The following COL25A1 variants were observed in gnomAD, a reference collection of about 807,000 sequenced individuals.
COL25A1 encodes the protein collagen alpha-1(XXV) chain.
In COL25A1, 103 loss-of-function variants were observed where a neutral mutation model predicts 128.4. That is an observed-to-expected ratio of 0.80 (90% CI 0.68 to 0.94). The LOEUF is 0.94. COL25A1 is among the 40% of genes least tolerant of loss of function. The pLI is 0.00. For synonymous variants in COL25A1, 279 were observed against 277.2 expected (o/e 1.01, Z -0.06); for missense variants, 745 against 840.0 (o/e 0.89, Z 1.40).
At chr4:109,144,746 A>T (rs1770766509) in intron 3 of COL25A1, among the ~76,000 whole-genome samples, 1 of 152,206 alleles carries the variant, frequency 6.6e-6, no homozygotes, top group South Asian at 2.1e-4. Context: ...CCACTCAGGG[A>T]GACACAATTG....
intron 3 of COL25A1, among the ~76,000 whole-genome samples, chr4:109,112,911 T>C (rs2126040961): frequency 6.6e-6 from 1 of 152,220 alleles, no homozygotes; most frequent in East Asian, 1.9e-4. Flanking sequence ...CAAACGTCCA[T>C]AAAGACTTTC....
At chr4:109,261,066 G>A (rs57636371) in intron 3 of COL25A1, among the ~76,000 whole-genome samples, 5,578 of 152,200 alleles carry the variant, frequency 0.037, 341 homozygotes, top group African/African-American at 0.13. Context: ...CCATAGAAGT[G>A]CTTAAGCAGC....
At chr4:108,815,027 G>A (rs988971181) in intron 37 of COL25A1, among the ~76,000 whole-genome samples, 3 of 152,094 alleles carry the variant, frequency 2.0e-5, no homozygotes, top group African/African-American at 7.2e-5. Flanking sequence ...TCATGCCAAT[G>A]CCAAAAAATG....
intron 3 of COL25A1, among the ~76,000 whole-genome samples, chr4:109,209,347 A>G (rs1777307606): frequency 1.3e-5 from 2 of 151,848 alleles, no homozygotes; most frequent in Non-Finnish European, 1.5e-5. Flanking sequence ...AAAAAAAATG[A>G]GAGTTCCTAA....
intron 3 of COL25A1, among the ~76,000 whole-genome samples, chr4:109,105,869 G>A (rs909285324): frequency 1.3e-5 from 2 of 152,078 alleles, no homozygotes; most frequent in Non-Finnish European, 2.9e-5. Context: ...TTATGAAACC[G>A]ATCAATTTTA....
chr4:109,241,839 C>T (rs1295478400), intron 3 of COL25A1, among the ~76,000 whole-genome samples: 2 of 152,056 alleles, frequency 1.3e-5, no homozygotes, highest in East Asian at 3.8e-4. Flanking sequence ...CACTCCCAGA[C>T]AACTACCTCC....
intron 13 of COL25A1, among the ~76,000 whole-genome samples, chr4:108,905,854 G>T (rs1743425982): frequency 6.6e-6 from 1 of 151,454 alleles, no homozygotes; most frequent in African/African-American, 2.4e-5. Context: ...GTATGTCGGG[G>T]GGGGGTGCGG....
At position 109,279,772 on chromosome 4, in the gene COL25A1, G is replaced by A. The variant is rs920484194; in HGVS notation, c.367+20811C>T. Among the ~76,000 whole-genome samples, 6 of 152,244 alleles carry A rather than the reference G, an allele frequency of 3.9e-5. No homozygotes were observed. The East Asian group carries it at 1.2e-3, about 29-fold the overall frequency. ...TTAATGAGCCATATCCACAACAACCGTGTGAACATTTGCCCTTTATTCTAC... is the reference window on the plus strand; with the variant it reads ...TTAATGAGCCATATCCACAACAACCATGTGAACATTTGCCCTTTATTCTAC... On this transcript the variant is annotated intron_variant, in intron 3 of 37. Transcript: ENST00000399132.
At chr4:109,250,992 A>G (rs1189805315) in intron 3 of COL25A1, among the ~76,000 whole-genome samples, 1 of 152,200 alleles carries the variant, frequency 6.6e-6, no homozygotes, top group East Asian at 1.9e-4. Context: ...AAGAGGATGT[A>G]AAGTCCTTGA....
intron 3 of COL25A1, among the ~76,000 whole-genome samples, chr4:109,079,512 T>C: frequency 6.6e-6 from 1 of 152,132 alleles, no homozygotes; most frequent in East Asian, 1.9e-4. Flanking sequence ...CACATCGCCC[T>C]TATCCAGGTG....
intron 21 of COL25A1, 130 bp from the exon 22 acceptor site, chr4:108,862,675 A>G (rs1737400896): frequency 4.1e-6 from 3 of 724,700 alleles, no homozygotes; most frequent in Non-Finnish European, 4.8e-6. Flanking sequence ...GCCTCAATAT[A>G]TGGCTCTACA....
At chr4:109,001,372 C>CTGAGATCCTGTCAGGT (rs1755345803) in intron 6 of COL25A1, among the ~76,000 whole-genome samples, 1 of 24,146 alleles carries the variant, frequency 4.1e-5, no homozygotes, top group Non-Finnish European at 1.3e-4. Flanking sequence ...TTAAAAGAAA[C>CTGAGATCCTGTCAGGT]AGGCATCTGA....
intron 3 of COL25A1, among the ~76,000 whole-genome samples, chr4:109,131,942 C>A (rs1021255955): frequency 6.6e-6 from 1 of 152,150 alleles, no homozygotes; most frequent in African/African-American, 2.4e-5. Flanking sequence ...TTCATACTAC[C>A]AGGGACTCAA....
chr4:109,141,292 C>G lies in COL25A1; in HGVS notation c.368-91113G>C, dbSNP rs760322283. ...ATCCCAGAAATGAAGCCGACTTGATCGTGGTGGATAAGCTTTTTGATGTGC... is the reference window on the plus strand; with the variant it reads ...ATCCCAGAAATGAAGCCGACTTGATGGTGGTGGATAAGCTTTTTGATGTGC... On this transcript the variant is annotated intron_variant, in intron 3 of 37. Transcript: ENST00000399132. 4.6e-5 allele frequency among the ~76,000 whole-genome samples: 7 copies of G among 152,140 alleles called. No homozygotes were observed. In the South Asian group the frequency reaches 8.3e-4, roughly 18 times the overall value.
At chr4:109,254,083 T>C (rs1379944941) in intron 3 of COL25A1, among the ~76,000 whole-genome samples, 1 of 140,154 alleles carries the variant, frequency 7.1e-6, no homozygotes, top group Non-Finnish European at 1.5e-5. Flanking sequence ...CGAGACTCCG[T>C]CTCAAGAAAA....
intron 3 of COL25A1, among the ~76,000 whole-genome samples, chr4:109,208,574 T>C (rs1253239424): frequency 6.7e-6 from 1 of 149,800 alleles, no homozygotes; most frequent in East Asian, 1.9e-4. Context: ...ACATAGTGAT[T>C]TCAGATTTTT....
chr4:108,968,221 A>G (rs1235367905), intron 8 of COL25A1, among the ~76,000 whole-genome samples: 1 of 152,174 alleles, frequency 6.6e-6, no homozygotes, highest in Non-Finnish European at 1.5e-5. Flanking sequence ...AAATTGGTTC[A>G]ATGTATACTG....
chr4:108,990,134 T>C (rs9996438), intron 6 of COL25A1, among the ~76,000 whole-genome samples: 116,200 of 145,054 alleles, frequency 0.8, 47,433 homozygotes, highest in East Asian at 1. Context: ...ATCGCTTGAA[T>C]CCGGGAGGCA....
At chr4:109,082,833 T>C (rs1763966237) in intron 3 of COL25A1, among the ~76,000 whole-genome samples, 2 of 152,290 alleles carry the variant, frequency 1.3e-5, no homozygotes, top group Middle Eastern at 3.4e-3. Context: ...ACTACTGGCA[T>C]GGGGGTTTGT....
Sources: gnomAD v4.1 joint callset for allele counts (sites outside exome capture counted in the v4.1 genomes callset) on GRCh38, gnomAD v4.1.1 for gene constraint, MANE v1.5 for transcripts, NCBI Gene and HGNC (gene_info 2026-07-23, HGNC 2026-07-21) for gene names.